Variants in SPTB observed in about 807,000 individuals in gnomAD.
The protein encoded by SPTB is spectrin beta chain, erythrocytic.
Under a neutral mutation model 256.2 loss-of-function variants are expected in SPTB, and 45 were observed. That is an observed-to-expected ratio of 0.18 (90% CI 0.14 to 0.23). SPTB has a LOEUF of 0.23. Ranked by LOEUF, SPTB falls within the 10% of genes least tolerant of loss-of-function variation. SPTB has a pLI of 1.00. For missense variants in SPTB, 2,715 were observed against 3,040.4 expected (o/e 0.89, Z 2.52); for synonymous variants, 1,231 against 1,243.1 (o/e 0.99, Z 0.21).
At chr14:64,855,549 A>T (rs1252353722) in intron 1 of SPTB, among the ~76,000 whole-genome samples, 1 of 48,674 alleles carries the variant, frequency 2.1e-5, no homozygotes, top group Non-Finnish European at 5.0e-5. Flanking sequence ...TACGTTGACC[A>T]GGCTGGTCTC....
At chr14:64,868,982 A>G (rs1037284429) in intron 1 of SPTB, among the ~76,000 whole-genome samples, 3 of 152,192 alleles carry the variant, frequency 2.0e-5, no homozygotes, top group Admixed American at 6.5e-5. Flanking sequence ...AAGGTATGCA[A>G]CTAATTACCT....
intron 20 of SPTB, among the ~76,000 whole-genome samples, chr14:64,781,089 AC>A (rs1454165478): frequency 6.6e-6 from 1 of 152,266 alleles, no homozygotes; most frequent in Non-Finnish European, 1.5e-5. Flanking sequence ...TGGATTACAG[AC>A]TTCAATGTAA....
rs754021242 is a variant in SPTB, at chr14:64,760,250, G to A, written c.6346-6457C>T. On this transcript the variant is annotated intron_variant, in intron 32 of 35. Transcript: ENST00000644917. The surrounding 1 kb of genome is among the most constrained non-coding windows in gnomAD (Gnocchi z 4.3). ...AAACTGGCTTGGGTGGGGGAGGCAGGGGTTGGGGTCTTCACAGAGGATGTG... is the reference window on the plus strand; with the variant it reads ...AAACTGGCTTGGGTGGGGGAGGCAGAGGTTGGGGTCTTCACAGAGGATGTG... Among the ~76,000 whole-genome samples, 2 of 152,094 alleles carry A rather than the reference G, an allele frequency of 1.3e-5. No homozygotes were observed. The highest frequency in any genetic ancestry group is 1.3e-4 in the Admixed American group (2 of 15,274).
At chr14:64,752,106 CA>C in intron 33 of SPTB, 1 of 1,174,652 alleles carries the variant, frequency 8.5e-7, no homozygotes, top group South Asian at 1.3e-5. Flanking sequence ...CAAAACAAAA[CA>C]AAACAAAACA....
Position 64,769,618 on chromosome 14 carries a change from A to G in SPTB, c.5909T>C (p.Leu1970Pro), listed in dbSNP as rs1280691745. 5 of 1,613,940 alleles carry G rather than the reference A, an allele frequency of 3.1e-6. No individual in the cohort carries two copies. The highest frequency in any genetic ancestry group is 3.4e-6 in the Non-Finnish European group (4 of 1,180,046). ...CTCTGAGGCCTGGTGCTGCCGCTGC[A>G]GCAGGGACTCGCCAAGCTCCAGGCA... ...SACLELGESLLQRQHQASEEI... is the reference protein window; with the variant it reads ...SACLELGESLPQRQHQASEEI... The change falls in exon 28 of 36, where the codon CTG (leucine) becomes CCG (proline). Residue 1970 changes from leucine to proline, a missense_variant. Around this residue, in one of 4 missense-constraint regions of SPTB, gnomAD observed 2,239 missense variants for 2,384.4 expected, o/e 0.94. Coordinates refer to ENST00000644917, the MANE Select transcript of SPTB (RefSeq NM_001355436.2).
At chr14:64,765,301 G>A (rs1045974223) in intron 32 of SPTB, among the ~76,000 whole-genome samples, 3 of 152,076 alleles carry the variant, frequency 2.0e-5, no homozygotes, top group African/African-American at 7.2e-5. Context: ...CTGCCACAGC[G>A]GGGACATGCA....
intron 1 of SPTB, among the ~76,000 whole-genome samples, chr14:64,837,150 G>A (rs2083536479): frequency 6.6e-6 from 1 of 152,206 alleles, no homozygotes; most frequent in Admixed American, 6.5e-5. Flanking sequence ...AGAAAGTGGT[G>A]GGGAGGGTGT....
At chr14:64,752,029 G>A (rs1049015806) in intron 33 of SPTB, among the ~76,000 whole-genome samples, 4 of 151,830 alleles carry the variant, frequency 2.6e-5, no homozygotes, top group African/African-American at 7.3e-5. Flanking sequence ...GGGAGGCGGA[G>A]GTTGCAGTGA....
intron 2 of SPTB, 89 bp from the exon 3 acceptor site, chr14:64,805,179 G>A (rs1194445154): frequency 1.4e-6 from 2 of 1,457,294 alleles, no homozygotes; most frequent in African/African-American, 2.8e-5. Context: ...TAAGCCCAGG[G>A]TACCCCCATG....
In SPTB at chr14:64,767,689, A is replaced by C. The variant is rs143894722; in HGVS notation, c.6193T>G (p.Phe2065Val). ...GTGGTGGGCTTCTCCAGGGCAGCAAAGCGCTCTGCCCAGCTGGCCGTGGAC... is the reference window on the plus strand; with the variant it reads ...GTGGTGGGCTTCTCCAGGGCAGCAACGCGCTCTGCCCAGCTGGCCGTGGAC... ...EKSTASWAERFAALEKPTTLE... is the reference protein window; with the variant it reads ...EKSTASWAERVAALEKPTTLE... The change falls in exon 30 of 36, where the codon TTT becomes GTT. Residue 2065 changes from phenylalanine to valine, a missense_variant. Physicochemically the swap from Phe to Val is conservative, Grantham distance 50. This residue lies in a region of SPTB where 2,239 missense variants were observed against 2,384.4 expected (regional missense o/e 0.94). Coordinates refer to ENST00000644917, the MANE Select transcript of SPTB (RefSeq NM_001355436.2). 4.8e-5 allele frequency: 78 copies of C among 1,613,986 alleles called. No homozygotes were observed. The highest frequency in any genetic ancestry group is 6.2e-5 in the Non-Finnish European group (73 of 1,180,008).
intron 1 of SPTB, among the ~76,000 whole-genome samples, chr14:64,862,108 C>T (rs1326753451): frequency 6.6e-6 from 1 of 152,228 alleles, no homozygotes; most frequent in Non-Finnish European, 1.5e-5. Flanking sequence ...ACAGCAGCTC[C>T]ACAGAACACG....
intron 1 of SPTB, among the ~76,000 whole-genome samples, chr14:64,849,391 A>C (rs997170998): frequency 3.3e-5 from 5 of 152,194 alleles, no homozygotes; most frequent in African/African-American, 1.2e-4. Context: ...ATGTCTAAAA[A>C]ACTACTTTAT....
rs911662033 is a variant in SPTB at position 64,800,008 on chromosome 14, A to G, written c.877-74T>C. 12 of 1,567,956 alleles carry G rather than the reference A, an allele frequency of 7.7e-6. 1 individual carries two copies. The South Asian group carries it at 8.9e-5, about 12-fold the overall frequency. On this transcript the variant is annotated intron_variant, in intron 8 of 35. Coordinates refer to ENST00000644917, the MANE Select transcript of SPTB (RefSeq NM_001355436.2). The stretch of plus-strand genomic sequence containing the variant: ...ACTGAGGATATCAATGAGGACCACA[A>G]TCAAGGTGCCACGAAATGGGGCTCC...
In SPTB at chr14:64,748,497, A is replaced by C. The variant is rs2081884421; in HGVS notation, c.*809T>G. On this transcript the variant is annotated 3_prime_UTR_variant, in exon 36 of 36. Transcript: ENST00000644917. ...GCCCTGTGCCCTAGCCACGGTTTTC[A>C]ATGAGGAATGGTCTGACCTTGCTGC... 1 of 152,298 alleles carries C rather than the reference A, an allele frequency of 6.6e-6. No homozygotes were observed. The highest frequency in any genetic ancestry group is 2.4e-5 in the African/African-American group (1 of 41,438). The allele number at this position is 152,298 out of a possible 1,614,324, so 9.4% of individuals were successfully genotyped here.
rs2083467429 is a variant in SPTB at position 64,832,684 on chromosome 14, T to C, written c.-51-9539A>G. Reference sequence around the variant, plus strand: ...AATCTATCCTCATCCTTTTCCCATTTTTCCTGCCATGCTTCCTATCTGTCA... The same window carrying C: ...AATCTATCCTCATCCTTTTCCCATTCTTCCTGCCATGCTTCCTATCTGTCA... On this transcript the variant is annotated intron_variant, in intron 1 of 35. Coordinates refer to ENST00000644917, the MANE Select transcript of SPTB (RefSeq NM_001355436.2). Among the ~76,000 whole-genome samples, 4 of 152,222 alleles carry C rather than the reference T, an allele frequency of 2.6e-5. No individual in the cohort carries two copies. The South Asian group carries it at 8.3e-4, about 31-fold the overall frequency.
rs1305260753 is a variant in SPTB at position 64,795,798 on chromosome 14, A to C, written c.1342-159T>G. 1.3e-5 allele frequency among the ~76,000 whole-genome samples: 2 copies of C among 152,198 alleles called. No homozygotes were observed. The highest frequency in any genetic ancestry group is 2.9e-5 in the Non-Finnish European group (2 of 68,028). ...CCTTACTTTTGCAGCCTGTCTTATC[A>C]GACCCAAGTTCCAAAAATTAATGTC... is the stretch of plus-strand genomic sequence containing the variant. On this transcript the variant is annotated intron_variant, in intron 11 of 35. Transcript: ENST00000644917. The surrounding 1 kb of genome is among the most constrained non-coding windows in gnomAD (Gnocchi z 6.5).
chr14:64,801,128 A>G (rs990496548), intron 7 of SPTB, among the ~76,000 whole-genome samples, 157 bp downstream of exon 7: 1 of 152,268 alleles, frequency 6.6e-6, no homozygotes, highest in Non-Finnish European at 1.5e-5. Context: ...AAGCAGGCCC[A>G]GATCAGAGCC....
In SPTB at chr14:64,786,472, C is replaced by G; in HGVS notation, c.3493G>C (p.Ala1165Pro). The change falls in exon 16 of 36, where the codon GCT becomes CCT. Residue 1165 changes from alanine (A) to proline (P), a missense_variant. Physicochemically the swap from Ala to Pro is conservative, Grantham distance 27 (BLOSUM62 -1). Around this residue, in one of 4 missense-constraint regions of SPTB, gnomAD observed 2,239 missense variants for 2,384.4 expected, o/e 0.94. Transcript: ENST00000644917. The surrounding 1 kb of genome is among the most constrained non-coding windows in gnomAD (Gnocchi z 5.6). ...AACTCCTGGAAGCCAAGGCACTGAGCGAGGGTGTGGCTGCGGCTCTCCCAC... is the reference window on the plus strand; with the variant it reads ...AACTCCTGGAAGCCAAGGCACTGAGGGAGGGTGTGGCTGCGGCTCTCCCAC... ...RMWESRSHTL[A>P]QCLGFQEFQK... 6.2e-7 allele frequency: 1 copy of G among 1,614,112 alleles called. No homozygotes were observed. The highest frequency in any genetic ancestry group is 8.5e-7 in the Non-Finnish European group (1 of 1,180,024).
Position 64,787,048 on chromosome 14 carries a change from T to C in SPTB, c.2917A>G (p.Lys973Glu). 6.2e-7 allele frequency: 1 copy of C among 1,614,028 alleles called. No individual in the cohort carries two copies. Among genetic ancestry groups the C allele is most frequent in the Non-Finnish European group, 8.5e-7 (1 of 1,180,038 alleles). The change falls in exon 16 of 36, where the codon AAG (lysine) becomes GAG (glutamate). Residue 973 changes from lysine (K) to glutamate (E), a missense_variant. Around this residue, in one of 4 missense-constraint regions of SPTB, gnomAD observed 2,239 missense variants for 2,384.4 expected, o/e 0.94. Transcript: ENST00000644917. ...TTTGTGGACTCCACTACCTTTGTCTTGTCCGTGATCCACTTGCTGGTCTCC... is the reference window on the plus strand; with the variant it reads ...TTTGTGGACTCCACTACCTTTGTCTCGTCCGTGATCCACTTGCTGGTCTCC... ...CEETSKWITD[K>E]TKVVESTKDL... is the part of the protein sequence containing the mutation.
Sources: gnomAD v4.1 joint callset for allele counts (sites outside exome capture counted in the v4.1 genomes callset) on GRCh38, gnomAD v4.1.1 for gene constraint, gnomAD v4.1.1 regional missense constraint, Gnocchi (gnomAD v3.1) non-coding constraint, MANE v1.5 for transcripts, NCBI Gene and HGNC (gene_info 2026-07-23, HGNC 2026-07-21) for gene names.